ANTXR1: variants seen among roughly 807,000 people sequenced by gnomAD.
ANTXR1 encodes anthrax toxin receptor 1.
Under a neutral mutation model 78.1 loss-of-function variants are expected in ANTXR1, and 19 were observed. That is an observed-to-expected ratio of 0.24 (90% CI 0.17 to 0.36). The LOEUF is 0.36. Ranked by LOEUF, ANTXR1 falls within the 10% of genes least tolerant of loss-of-function variation. The pLI, the probability that ANTXR1 is intolerant of heterozygous loss-of-function variation, is 1.00. For missense variants in ANTXR1, 518 were observed against 718.6 expected, an observed-to-expected ratio of 0.72 and a Z score of 3.19; for synonymous variants, 273 against 260.5, an observed-to-expected ratio of 1.05 and a Z score of -0.46.
intron 8 of ANTXR1, among the ~76,000 whole-genome samples, chr2:69,083,246 C>T (rs1209116820): frequency 4.0e-4 from 61 of 152,208 alleles, no homozygotes; most frequent in Admixed American, 4.0e-3. Context: ...ATGTCACATT[C>T]CCAAAGTCCT....
intron 1 of ANTXR1, among the ~76,000 whole-genome samples, chr2:69,026,067 G>A (rs1038756218): frequency 6.6e-6 from 1 of 152,164 alleles, no homozygotes; most frequent in African/African-American, 2.4e-5. Context: ...CCAAATTCCC[G>A]TAACAATTAG....
At chr2:69,046,163 T>A (rs1669762798) in intron 3 of ANTXR1, among the ~76,000 whole-genome samples, 1 of 152,154 alleles carries the variant, frequency 6.6e-6, no homozygotes, top group Non-Finnish European at 1.5e-5. Context: ...CGCCTGTTCT[T>A]CACATCCTCC....
chr2:69,015,026 C>T (rs1012130708), intron 1 of ANTXR1, among the ~76,000 whole-genome samples: 17 of 150,690 alleles, frequency 1.1e-4, no homozygotes, highest in African/African-American at 4.2e-4. Context: ...GCTCCTCCTC[C>T]GTGCTTTTTT....
chr2:69,063,468 A>G (rs1427115007), intron 3 of ANTXR1, among the ~76,000 whole-genome samples: 1 of 152,106 alleles, frequency 6.6e-6, no homozygotes, highest in Non-Finnish European at 1.5e-5. Context: ...GAAGGGGGAA[A>G]ATGCCTAAGA....
rs138239717 is a variant in ANTXR1, at chr2:69,080,949, T to C, written c.642+3461T>C. 8.2e-3 allele frequency among the ~76,000 whole-genome samples: 1,252 copies of C among 152,282 alleles called. 19 individuals are homozygous for C. Among genetic ancestry groups the C allele is most frequent in the African/African-American group, 0.029 (1,199 of 41,552 alleles). ...GCTAAATCCAAGGACAATAGGAAAC[T>C]ATAGCTAGGTACAGAGTCTGACAAT... On this transcript the variant is annotated intron_variant, in intron 8 of 17. Coordinates refer to ENST00000303714, the MANE Select transcript of ANTXR1 (RefSeq NM_032208.3).
intron 9 of ANTXR1, among the ~76,000 whole-genome samples, chr2:69,102,375 T>C (rs1671648739): frequency 6.6e-6 from 1 of 152,234 alleles, no homozygotes; most frequent in Admixed American, 6.5e-5. Context: ...CTTTCTAAAA[T>C]GTAGGCACCG....
intron 12 of ANTXR1, chr2:69,145,515 T>C (rs938453043): frequency 6.9e-7 from 1 of 1,442,150 alleles, no homozygotes; most frequent in Non-Finnish European, 9.1e-7. Flanking sequence ...GCACACTGAG[T>C]GCCCCAACAT....
chr2:69,044,290 T>G (rs1256021279), intron 2 of ANTXR1, among the ~76,000 whole-genome samples: 7 of 152,090 alleles, frequency 4.6e-5, no homozygotes, highest in Non-Finnish European at 1.5e-5. Context: ...CAAAGGGAGT[T>G]TGTTATATAA....
intron 1 of ANTXR1, among the ~76,000 whole-genome samples, chr2:69,035,471 G>A (rs981802042): frequency 4.0e-5 from 6 of 151,898 alleles, no homozygotes; most frequent in Middle Eastern, 3.2e-3. Flanking sequence ...GGTGCAGATC[G>A]AGATACCCCT....
intron 17 of ANTXR1, among the ~76,000 whole-genome samples, chr2:69,213,049 C>G (rs1451460249): frequency 6.6e-6 from 1 of 150,862 alleles, no homozygotes; most frequent in Non-Finnish European, 1.5e-5. Context: ...TCAAGCAACC[C>G]TCCTGCCTCA....
intron 14 of ANTXR1, among the ~76,000 whole-genome samples, chr2:69,171,756 C>A (rs2104452818): frequency 6.6e-6 from 1 of 152,272 alleles, no homozygotes; most frequent in Admixed American, 6.5e-5. Context: ...TCAGCAGGGA[C>A]TTTTAGGATG....
At chr2:69,067,856 T>A (rs1558510521) in intron 3 of ANTXR1, among the ~76,000 whole-genome samples, 1 of 152,258 alleles carries the variant, frequency 6.6e-6, no homozygotes, top group African/African-American at 2.4e-5. Context: ...CTCTCATCTT[T>A]ATTCTCCAGG....
At chr2:69,032,790 A>C (rs955343848) in intron 1 of ANTXR1, among the ~76,000 whole-genome samples, 1 of 152,046 alleles carries the variant, frequency 6.6e-6, no homozygotes, top group African/African-American at 2.4e-5. Context: ...CCTGTCGAAA[A>C]AGGCAGAGTG....
intron 7 of ANTXR1, among the ~76,000 whole-genome samples, chr2:69,076,345 G>T (rs1021736428): frequency 6.6e-6 from 1 of 152,062 alleles, no homozygotes; most frequent in Non-Finnish European, 1.5e-5. Context: ...CATGAAAAAC[G>T]CAAAGTATTT....
chr2:69,155,248 C>T (rs1474467763), intron 13 of ANTXR1, among the ~76,000 whole-genome samples: 4 of 152,162 alleles, frequency 2.6e-5, no homozygotes, highest in Admixed American at 6.5e-5. Flanking sequence ...CTGAATCAAA[C>T]CTTTAGTGTT....
chr2:69,246,259 T>TGGGGGAGTGTAGATGGG lies in ANTXR1; in HGVS notation c.*776_*777insGGGAGTGTAGATGGGGG. The TGGGGGAGTGTAGATGGG allele has an allele frequency of 1.3e-5, 2 of 152,334 alleles. No homozygotes were observed. 9.4% of individuals were successfully genotyped at this position (152,334 alleles called of 1,614,324 possible). On this transcript the variant is annotated 3_prime_UTR_variant, in exon 18 of 18. Coordinates refer to ENST00000303714, the MANE Select transcript of ANTXR1 (RefSeq NM_032208.3). ...CCCACAGGCCATCAGCAGCTAGAGGTGGCTGGCTTTGGCCAGACATGGACC... is the reference window on the plus strand; with the variant it reads ...CCCACAGGCCATCAGCAGCTAGAGGTGGGGGAGTGTAGATGGGGGCTGGCTTTGGCCAGACATGGACC...
In ANTXR1 at chr2:69,039,994, A is replaced by G. The variant is rs77394848; in HGVS notation, c.153-50A>G. ...AATGTGAAGATAAATAATACAAGGT[A>G]AAGACAAGTAAACACCTGAGTCACG... On this transcript the variant is annotated intron_variant, in intron 1 of 17. Coordinates refer to ENST00000303714, the MANE Select transcript of ANTXR1 (RefSeq NM_032208.3). The G allele has an allele frequency of 2.0e-3, 2,975 of 1,470,362 alleles. 54 individuals are homozygous for G. The African/African-American group carries it at 0.035, about 17-fold the overall frequency. The allele number at this position is 1,470,362 out of a possible 1,614,324, so 91.1% of individuals were successfully genotyped here. A position where few individuals can be genotyped will look rare whatever the true frequency, so the allele number is the denominator to read the frequency against.
chr2:69,164,116 A>G (rs1471649588), intron 13 of ANTXR1, among the ~76,000 whole-genome samples: 1 of 152,228 alleles, frequency 6.6e-6, no homozygotes, highest in Non-Finnish European at 1.5e-5. Context: ...TTCGGATACA[A>G]AACTGGAAAA....
At chr2:69,064,118 A>C (rs565284466) in intron 3 of ANTXR1, among the ~76,000 whole-genome samples, 54 of 152,352 alleles carry the variant, frequency 3.5e-4, no homozygotes, top group Non-Finnish European at 5.3e-4. Context: ...ATTCCAGATA[A>C]AAGGCAGAGA....
Sources: gnomAD v4.1 joint callset for allele counts (sites outside exome capture counted in the v4.1 genomes callset) on GRCh38, gnomAD v4.1.1 for gene constraint, MANE v1.5 for transcripts, NCBI Gene and HGNC (gene_info 2026-07-23, HGNC 2026-07-21) for gene names.